PCDHA4: variants seen among roughly 807,000 people sequenced by gnomAD.
PCDHA4 encodes the protein protocadherin alpha 4.
In PCDHA4, 49 loss-of-function variants were observed where a neutral mutation model predicts 61.4. The ratio of observed to expected loss-of-function variants is 0.80; its 90% CI spans 0.63 to 1.01. PCDHA4 has a LOEUF of 1.01. PCDHA4 is among the 50% of genes least tolerant of loss of function. PCDHA4 has a pLI of 0.00. For synonymous variants in PCDHA4, 590 were observed against 550.3 expected (o/e 1.07, Z -1.01); for missense variants, 1,254 against 1,235.8 (o/e 1.01, Z -0.22).
chr5:140,928,716 C>G (rs555492959), intron 1 of PCDHA4: 3 of 1,614,178 alleles, frequency 1.9e-6, no homozygotes, highest in Non-Finnish European at 2.5e-6. Flanking sequence ...ACTCTAGTCT[C>G]TTTAGAATTT....
At chr5:140,870,796 C>T in intron 1 of PCDHA4, 1 of 1,613,694 alleles carries the variant, frequency 6.2e-7, no homozygotes, top group Non-Finnish European at 8.5e-7. Flanking sequence ...GCCGGCACTG[C>T]TGGCGACTCA....
intron 1 of PCDHA4, among the ~76,000 whole-genome samples, chr5:140,945,889 A>G (rs2093857848): frequency 6.6e-6 from 1 of 152,074 alleles, no homozygotes; most frequent in African/African-American, 2.4e-5. Flanking sequence ...CAAAGAAAAC[A>G]CAGTGGGAAA....
chr5:140,921,098 A>G (rs1007745080), intron 1 of PCDHA4, among the ~76,000 whole-genome samples: 2 of 151,708 alleles, frequency 1.3e-5, no homozygotes, highest in South Asian at 2.1e-4. Context: ...CTCCTGCCTC[A>G]GTCTCCTAAG....
At chr5:140,916,263 C>A (rs541005754) in intron 1 of PCDHA4, among the ~76,000 whole-genome samples, 43 of 152,316 alleles carry the variant, frequency 2.8e-4, no homozygotes, top group African/African-American at 1.0e-3. Flanking sequence ...ACCCCAAGAG[C>A]ATGCTTGTTG....
chr5:140,850,045 T>A lies in PCDHA4; in HGVS notation c.2385+40473T>A, dbSNP rs782277317. 1.9e-6 allele frequency: 3 copies of A among 1,596,208 alleles called. No individual in the cohort carries two copies. Among genetic ancestry groups the A allele is most frequent in the Non-Finnish European group, 2.6e-6 (3 of 1,167,714 alleles). On this transcript the variant is annotated intron_variant, in intron 1 of 3. Transcript: ENST00000530339. ...TCAGTGCACGCGGAGAGCGGCAAGG[T>A]GTACGCGCTGCAGCCGTTGGACCAC... is the stretch of plus-strand genomic sequence containing the variant.
intron 1 of PCDHA4, chr5:140,841,631 A>G (rs1256595237): frequency 6.2e-7 from 1 of 1,614,124 alleles, no homozygotes; most frequent in Non-Finnish European, 8.5e-7. Context: ...GGAGTGCAGC[A>G]TCCACCTGGA....
rs2150135229 is a variant in PCDHA4, at chr5:140,824,610, G to GTTT, written c.2385+15058_2385+15060dup. ...GGACTACATGCACATGCTAATTAAAGTTTTTTTTTTTTTTTTTTTTTTATT... is the reference window on the plus strand; with the variant it reads ...GGACTACATGCACATGCTAATTAAAGTTTTTTTTTTTTTTTTTTTTTTTTTATT... On this transcript the variant is annotated intron_variant, in intron 1 of 3. Coordinates refer to ENST00000530339, the MANE Select transcript of PCDHA4 (RefSeq NM_018907.4). 763 of 95,086 alleles carry GTTT rather than the reference G, an allele frequency of 8.0e-3. 102 individuals are homozygous for GTTT. The highest frequency in any genetic ancestry group is 0.015 in the East Asian group (49 of 3,346). 5.9% of individuals were successfully genotyped at this position (95,086 alleles called of 1,614,324 possible). A position where few individuals can be genotyped will look rare whatever the true frequency, so the allele number is the denominator to read the frequency against.
intron 3 of PCDHA4, among the ~76,000 whole-genome samples, chr5:141,004,872 C>T (rs1242067093): frequency 6.6e-6 from 1 of 152,042 alleles, no homozygotes; most frequent in Non-Finnish European, 1.5e-5. Context: ...GTTTCTCATC[C>T]CTAAAGTGCT....
chr5:140,981,037 A>T (rs1427761331), intron 2 of PCDHA4, among the ~76,000 whole-genome samples: 1 of 152,204 alleles, frequency 6.6e-6, no homozygotes, highest in Non-Finnish European at 1.5e-5. Context: ...TTTGGGGAAA[A>T]AAAACAGATA....
At chr5:140,910,105 T>C (rs1021391817) in intron 1 of PCDHA4, among the ~76,000 whole-genome samples, 11 of 152,202 alleles carry the variant, frequency 7.2e-5, no homozygotes, top group African/African-American at 2.7e-4. Flanking sequence ...CCCCTTCATT[T>C]AAGGGATTCT....
chr5:140,905,130 GT>G (rs1448449678), intron 1 of PCDHA4, among the ~76,000 whole-genome samples: 11 of 152,178 alleles, frequency 7.2e-5, no homozygotes, highest in African/African-American at 2.7e-4. Flanking sequence ...GTCTAGAAGA[GT>G]TTTTCTGCTG....
At chr5:140,975,896 T>C (rs1267301126) in intron 1 of PCDHA4, among the ~76,000 whole-genome samples, 1 of 152,202 alleles carries the variant, frequency 6.6e-6, no homozygotes, top group Non-Finnish European at 1.5e-5. Context: ...CATATGGAGT[T>C]TTGTGACCAT....
At chr5:140,828,396 G>A in intron 1 of PCDHA4, 1 of 1,614,278 alleles carries the variant, frequency 6.2e-7, no homozygotes, top group Non-Finnish European at 8.5e-7. Flanking sequence ...AGCGCGGAGT[G>A]CAGCATCCAC....
chr5:141,009,116 T>C (rs1382527068), intron 3 of PCDHA4, among the ~76,000 whole-genome samples: 1 of 152,236 alleles, frequency 6.6e-6, no homozygotes, highest in African/African-American at 2.4e-5. Flanking sequence ...TGAAACTAGA[T>C]TCTTGGTATC....
At chr5:140,910,837 A>G (rs1217601068) in intron 1 of PCDHA4, among the ~76,000 whole-genome samples, 1 of 152,188 alleles carries the variant, frequency 6.6e-6, no homozygotes, top group Non-Finnish European at 1.5e-5. Context: ...GCCTGATCCA[A>G]TGCCTTGGAT....
At chr5:140,883,244 G>C in intron 1 of PCDHA4, 3 of 1,614,014 alleles carry the variant, frequency 1.9e-6, no homozygotes, top group Non-Finnish European at 2.5e-6. Context: ...AGTTGACAAA[G>C]GAAATATTCC....
At position 140,808,864 on chromosome 5, in the gene PCDHA4, C is replaced by T. The variant is rs1764284394; in HGVS notation, c.1677C>T (p.Asn559=). The T allele has an allele frequency of 4.3e-6, 7 of 1,613,020 alleles. No individual in the cohort carries two copies. The East Asian group carries it at 1.1e-4, about 26-fold the overall frequency. The change falls in exon 1 of 4, where the codon AAC becomes AAT. Residue 559 remains asparagine (N), a synonymous_variant. Coordinates refer to ENST00000530339, the MANE Select transcript of PCDHA4 (RefSeq NM_018907.4). ...VTLQVFVLDE[N]DNAPALLAPR... is the part of the protein sequence containing the mutation. ...TGCAGGTGTTCGTGCTGGACGAAAA[C>T]GACAACGCGCCAGCACTGCTAGCGC...
chr5:140,835,730 C>T (rs1773881312), intron 1 of PCDHA4: 30 of 1,613,686 alleles, frequency 1.9e-5, no homozygotes, highest in Non-Finnish European at 2.5e-5. Context: ...CCGACGTGAA[C>T]GACAACGCCC....
chr5:140,830,592 A>G (rs1771150807), intron 1 of PCDHA4: 1 of 705,520 alleles, frequency 1.4e-6, no homozygotes, highest in Non-Finnish European at 2.1e-6. Flanking sequence ...TTAATTTTAC[A>G]AAATTACATA....
Sources: gnomAD v4.1 joint callset for allele counts (sites outside exome capture counted in the v4.1 genomes callset) on GRCh38, gnomAD v4.1.1 for gene constraint, MANE v1.5 for transcripts, NCBI Gene and HGNC (gene_info 2026-07-23, HGNC 2026-07-21) for gene names.